ABI1: variants seen among roughly 807,000 people sequenced by gnomAD.
ABI1 encodes Abelson interactor 1.
A neutral mutation model predicts 54.6 loss-of-function variants in ABI1; 14 were observed. The observed-to-expected ratio is 0.26, with a 90% CI of 0.17 to 0.40. ABI1 has a LOEUF of 0.40. ABI1 is among the 10% of genes least tolerant of loss of function. The pLI is 1.00. For missense variants in ABI1, 443 were observed against 598.3 expected (o/e 0.74, Z 2.71); for synonymous variants, 194 against 209.3 (o/e 0.93, Z 0.63).
intron 1 of ABI1, among the ~76,000 whole-genome samples, chr10:26,829,158 G>T (rs1021714513): frequency 6.6e-6 from 1 of 151,732 alleles, no homozygotes; most frequent in East Asian, 1.9e-4. Context: ...CCTGGGAGAC[G>T]GAGCTTGCAG....
intron 2 of ABI1, among the ~76,000 whole-genome samples, chr10:26,814,300 G>A (rs753884649): frequency 1.3e-5 from 2 of 152,084 alleles, no homozygotes; most frequent in South Asian, 2.1e-4. Context: ...AGCTACCTAC[G>A]ACTTCAGGCA....
In ABI1 at chr10:26,747,340, T is replaced by A. The variant is rs1837061022; in HGVS notation, c.*1230A>T. 4.4e-6 allele frequency: 1 copy of A among 225,464 alleles called. No individual in the cohort carries two copies. 14.0% of individuals were successfully genotyped at this position (225,464 alleles called of 1,614,324 possible). ...AGACACACAAAGTGCATGTGTTGCA[T>A]TTTGATTATGTCAAAAGACAATCCA... is the stretch of plus-strand genomic sequence containing the variant. On this transcript the variant is annotated 3_prime_UTR_variant, in exon 11 of 11. Coordinates refer to ENST00000376140, the MANE Select transcript of ABI1 (RefSeq NM_001012750.3).
intron 1 of ABI1, among the ~76,000 whole-genome samples, chr10:26,858,689 T>TA (rs1274092544): frequency 6.6e-6 from 1 of 152,004 alleles, no homozygotes. Context: ...GCTTCAAAGT[T>TA]ACATGATTGT....
At chr10:26,765,008 G>A (rs1839744120) in intron 7 of ABI1, among the ~76,000 whole-genome samples, 1 of 151,510 alleles carries the variant, frequency 6.6e-6, no homozygotes. Context: ...TTAATATGCA[G>A]TATATATAAG....
intron 1 of ABI1, among the ~76,000 whole-genome samples, chr10:26,850,573 G>A (rs2050303098): frequency 6.6e-6 from 1 of 151,506 alleles, no homozygotes; most frequent in Non-Finnish European, 1.5e-5. Flanking sequence ...CAGGAGAATT[G>A]CCTGAACCTG....
At position 26,860,830 on chromosome 10, in the gene ABI1, T is replaced by C. The variant is rs1327209239; in HGVS notation, c.34A>G (p.Ile12Val). ...ATCAGCGCCCTCTTGCCAGACGGGA[T>C]CTCCTCCTCTAGTAACATCTGCAGC... Reference protein sequence around the residue: ...AELQMLLEEEIPSGKRALIES... With the variant: ...AELQMLLEEEVPSGKRALIES... Residue 12 changes from isoleucine to valine, a missense_variant, in exon 1 of 11, where the codon ATC becomes GTC. Physicochemically the swap from Ile to Val is conservative, Grantham distance 29 (BLOSUM62 3). This residue lies in a region of ABI1 where 394 missense variants were observed against 484.8 expected (regional missense o/e 0.81). Transcript: ENST00000376140. This position sits in a 1 kb window ranked among gnomAD's most constrained non-coding sequence, Gnocchi z 4.1. 3 of 1,614,090 alleles carry C rather than the reference T, an allele frequency of 1.9e-6. No individual in the cohort carries two copies. The highest frequency in any genetic ancestry group is 1.1e-5 in the South Asian group (1 of 91,082).
chr10:26,811,338 T>A (rs1384274634), intron 2 of ABI1, among the ~76,000 whole-genome samples: 1 of 152,180 alleles, frequency 6.6e-6, no homozygotes, highest in Admixed American at 6.5e-5. Flanking sequence ...AGAATCTATA[T>A]TCTATATTAG....
At chr10:26,768,418 A>G (rs1372692468) in intron 6 of ABI1, among the ~76,000 whole-genome samples, 1 of 151,710 alleles carries the variant, frequency 6.6e-6, no homozygotes, top group East Asian at 1.9e-4. Context: ...CAGGCCTGTA[A>G]TCCCAGCTAC....
chr10:26,783,614 A>G (rs1842396675), intron 2 of ABI1, among the ~76,000 whole-genome samples: 1 of 152,152 alleles, frequency 6.6e-6, no homozygotes, highest in Non-Finnish European at 1.5e-5. Flanking sequence ...CACCCTGACC[A>G]TTCCTAAACA....
At chr10:26,841,535 G>C (rs1382158212) in intron 1 of ABI1, among the ~76,000 whole-genome samples, 3 of 151,282 alleles carry the variant, frequency 2.0e-5, no homozygotes, top group Non-Finnish European at 4.4e-5. Context: ...TAGATCTCTA[G>C]GCTCTTTCAT....
At chr10:26,828,607 C>T (rs769402785) in intron 1 of ABI1, among the ~76,000 whole-genome samples, 25 of 152,254 alleles carry the variant, frequency 1.6e-4, no homozygotes, top group Non-Finnish European at 2.2e-4. Context: ...CCTAACTGTG[C>T]ATCCAATTAG....
chr10:26,774,253 T>A (rs1233475466), intron 3 of ABI1, among the ~76,000 whole-genome samples: 3 of 152,254 alleles, frequency 2.0e-5, no homozygotes, highest in Admixed American at 2.0e-4. Flanking sequence ...TCGTATTTTT[T>A]ACTTTTTCTT....
At chr10:26,831,716 A>T (rs979390619) in intron 1 of ABI1, among the ~76,000 whole-genome samples, 5 of 124,156 alleles carry the variant, frequency 4.0e-5, no homozygotes, top group African/African-American at 1.9e-4. Flanking sequence ...ATTATTTTTT[A>T]AATCCAGGTA....
chr10:26,787,835 C>T (rs374022921), intron 2 of ABI1, among the ~76,000 whole-genome samples: 367 of 150,690 alleles, frequency 2.4e-3, no homozygotes, highest in African/African-American at 8.7e-3. Flanking sequence ...CAGGAGAGTA[C>T]CCTATAGCAA....
At position 26,860,159 on chromosome 10, in the gene ABI1, T is replaced by A. The variant is rs1402302846; in HGVS notation, c.117+588A>T. 6.6e-6 allele frequency among the ~76,000 whole-genome samples: 1 copy of A among 151,696 alleles called. No homozygotes were observed. The highest frequency in any genetic ancestry group is 1.5e-5 in the Non-Finnish European group (1 of 67,742). ...TCGGTGTAATGTGACTCATGACAAA[T>A]TTTTTTTAAATAAATAAATAAATAA... is the stretch of plus-strand genomic sequence containing the variant. On this transcript the variant is annotated intron_variant, in intron 1 of 10. Transcript: ENST00000376140. This position sits in a 1 kb window ranked among gnomAD's most constrained non-coding sequence, Gnocchi z 4.1.
At chr10:26,825,541 A>G (rs2048258942) in intron 1 of ABI1, among the ~76,000 whole-genome samples, 1 of 152,110 alleles carries the variant, frequency 6.6e-6, no homozygotes, top group African/African-American at 2.4e-5. Flanking sequence ...TGTGCCTGTA[A>G]TCCCAGCTAC....
At chr10:26,858,380 T>A (rs566255535) in intron 1 of ABI1, among the ~76,000 whole-genome samples, 1 of 151,944 alleles carries the variant, frequency 6.6e-6, no homozygotes, top group African/African-American at 2.4e-5. Flanking sequence ...GGGAGGCAAC[T>A]AGTGGCCTGG....
chr10:26,816,785 C>CACA (rs1564534922), intron 2 of ABI1, among the ~76,000 whole-genome samples: 3 of 151,952 alleles, frequency 2.0e-5, no homozygotes, highest in South Asian at 4.2e-4. Context: ...ACAGAACAAC[C>CACA]ATAATTTTAC....
Position 26,777,182 on chromosome 10 carries a change from A to T in ABI1, c.345T>A (p.Asn115Lys). The T allele has an allele frequency of 6.2e-7, 1 of 1,613,628 alleles. No individual in the cohort carries two copies. The highest frequency in any genetic ancestry group is 8.5e-7 in the Non-Finnish European group (1 of 1,179,776). The stretch of plus-strand genomic sequence containing the variant: ...TTTTGTGAGTTCTTGATGTATTCTT[A>T]TTTGTTGTCAAAATACCAATCTCTC... ...ARREIGILTTNKNTSRTHKII... is the reference protein window; with the variant it reads ...ARREIGILTTKKNTSRTHKII... The change falls in exon 3 of 11, where the codon AAT becomes AAA. Residue 115 changes from asparagine to lysine, a missense_variant. This residue lies in a region of ABI1 where 394 missense variants were observed against 484.8 expected (regional missense o/e 0.81). Coordinates refer to ENST00000376140, the MANE Select transcript of ABI1 (RefSeq NM_001012750.3).
Sources: gnomAD v4.1 joint callset for allele counts (sites outside exome capture counted in the v4.1 genomes callset) on GRCh38, gnomAD v4.1.1 for gene constraint, gnomAD v4.1.1 regional missense constraint, Gnocchi (gnomAD v3.1) non-coding constraint, MANE v1.5 for transcripts, NCBI Gene and HGNC (gene_info 2026-07-23, HGNC 2026-07-21) for gene names.